Variants in MEF2C observed in about 807,000 individuals in gnomAD.
The protein encoded by MEF2C is myocyte-specific enhancer factor 2C.
In MEF2C, 6 loss-of-function variants were observed where a neutral mutation model predicts 50.5. The ratio of observed to expected loss-of-function variants is 0.12; its 90% CI spans 0.07 to 0.23. The LOEUF is 0.23. MEF2C is among the 10% of genes least tolerant of loss of function. The pLI, the probability that MEF2C is intolerant of heterozygous loss-of-function variation, is 1.00. For missense variants in MEF2C, 276 were observed against 605.0 expected (o/e 0.46, Z 5.70); for synonymous variants, 183 against 228.0 (o/e 0.80, Z 1.78).
intron 1 of MEF2C, among the ~76,000 whole-genome samples, chr5:88,894,938 C>A (rs1834960920): frequency 6.6e-6 from 1 of 152,232 alleles, no homozygotes; most frequent in East Asian, 1.9e-4. Flanking sequence ...TTGTTTTGAC[C>A]TTAATTTTCT....
intron 1 of MEF2C, among the ~76,000 whole-genome samples, chr5:88,866,804 T>C (rs1827537727): frequency 6.6e-6 from 1 of 152,216 alleles, no homozygotes; most frequent in Non-Finnish European, 1.5e-5. Context: ...GAAGTTGAAT[T>C]CTCTAGAATA....
intron 6 of MEF2C, chr5:88,744,152 C>T: frequency 1.0e-6 from 1 of 984,766 alleles, no homozygotes; most frequent in Non-Finnish European, 1.2e-6. Flanking sequence ...GTGAATAATC[C>T]AACACAAGGC....
chr5:88,783,596 C>T (rs1410930171), intron 3 of MEF2C, among the ~76,000 whole-genome samples: 1 of 152,090 alleles, frequency 6.6e-6, no homozygotes, highest in Admixed American at 6.6e-5. Context: ...CGCCATTGCA[C>T]TCCAGCCTGG....
At chr5:88,866,630 A>G (rs755412209) in intron 1 of MEF2C, among the ~76,000 whole-genome samples, 15 of 152,358 alleles carry the variant, frequency 9.8e-5, no homozygotes, top group East Asian at 1.9e-4. Flanking sequence ...GTTAAAAGCT[A>G]AAAGCTATGC....
chr5:88,767,195 G>T (rs1459113958), intron 3 of MEF2C, among the ~76,000 whole-genome samples: 1 of 152,186 alleles, frequency 6.6e-6, no homozygotes, highest in Non-Finnish European at 1.5e-5. Flanking sequence ...CCATGTGCCA[G>T]ATACTGTTTT....
chr5:88,765,474 C>A (rs1420011283), intron 3 of MEF2C, among the ~76,000 whole-genome samples: 3 of 152,196 alleles, frequency 2.0e-5, no homozygotes, highest in Admixed American at 2.0e-4. Context: ...AAATCTACAG[C>A]TGTTTAATGA....
chr5:88,740,601 G>A lies in MEF2C; in HGVS notation c.637+8469C>T, dbSNP rs375307750. 4.7e-5 allele frequency: 46 copies of A among 984,524 alleles called. No homozygotes were observed. The East Asian group carries it at 4.3e-3, about 93-fold the overall frequency. 61.0% of individuals were successfully genotyped at this position (984,524 alleles called of 1,614,324 possible). A position where few individuals can be genotyped will look rare whatever the true frequency, so the allele number is the denominator to read the frequency against. Reference sequence around the variant, plus strand: ...AGGTTGCTACCACTACATTACAAAAGCCAGATGTCTGAGATTTAGCATGCA... The same window carrying A: ...AGGTTGCTACCACTACATTACAAAAACCAGATGTCTGAGATTTAGCATGCA... On this transcript the variant is annotated intron_variant, in intron 6 of 10. Coordinates refer to ENST00000504921, the MANE Select transcript of MEF2C (RefSeq NM_002397.5).
intron 2 of MEF2C, among the ~76,000 whole-genome samples, chr5:88,808,442 T>C (rs186641386): frequency 3.5e-4 from 54 of 152,286 alleles, no homozygotes; most frequent in African/African-American, 1.1e-3. Context: ...ATATCATTAA[T>C]GTCACTATTT....
intron 3 of MEF2C, among the ~76,000 whole-genome samples, chr5:88,802,865 C>T (rs1798927269): frequency 6.6e-6 from 1 of 152,184 alleles, no homozygotes; most frequent in African/African-American, 2.4e-5. Context: ...TAGAAGTCAA[C>T]ATATTTTCCA....
intron 3 of MEF2C, among the ~76,000 whole-genome samples, chr5:88,801,021 T>G (rs951830291): frequency 3.9e-5 from 6 of 152,144 alleles, no homozygotes; most frequent in Non-Finnish European, 4.4e-5. Context: ...ACGCAGAGCT[T>G]TTTTGCTAAA....
In MEF2C at chr5:88,722,537, C is replaced by A; in HGVS notation, c.*67G>T. 7.2e-7 allele frequency: 1 copy of A among 1,386,290 alleles called. No individual in the cohort carries two copies. The highest frequency in any genetic ancestry group is 9.9e-7 in the Non-Finnish European group (1 of 1,013,046). 85.9% of individuals were successfully genotyped at this position (1,386,290 alleles called of 1,614,324 possible). On this transcript the variant is annotated 3_prime_UTR_variant, in exon 11 of 11. Coordinates refer to ENST00000504921, the MANE Select transcript of MEF2C (RefSeq NM_002397.5). ...CATATAATGCATATCGACCCCCCTTCCCCATTAAGGTATAGCACACACACA... is the reference window on the plus strand; with the variant it reads ...CATATAATGCATATCGACCCCCCTTACCCATTAAGGTATAGCACACACACA...
chr5:88,840,930 A>G (rs566656711), intron 1 of MEF2C, among the ~76,000 whole-genome samples: 1 of 152,350 alleles, frequency 6.6e-6, no homozygotes, highest in East Asian at 1.9e-4. Context: ...TTATTAACAA[A>G]GATGAAAATA....
At chr5:88,782,465 A>G (rs200564906) in intron 3 of MEF2C, among the ~76,000 whole-genome samples, 3 of 7,472 alleles carry the variant, frequency 4.0e-4, no homozygotes, top group African/African-American at 8.7e-4. Flanking sequence ...AAATCATCTC[A>G]AAAAAAAAAA....
chr5:88,862,341 T>C (rs1164800620), intron 1 of MEF2C, among the ~76,000 whole-genome samples: 1 of 152,196 alleles, frequency 6.6e-6, no homozygotes, highest in East Asian at 1.9e-4. Flanking sequence ...GATACATGTG[T>C]ATGTTTGTTT....
chr5:88,797,115 G>A (rs1156791256), intron 3 of MEF2C, among the ~76,000 whole-genome samples: 1 of 152,188 alleles, frequency 6.6e-6, no homozygotes, highest in East Asian at 1.9e-4. Flanking sequence ...ATCTGGGGTA[G>A]AGAGTTCTGT....
At chr5:88,746,482 A>G in intron 6 of MEF2C, 1 of 983,330 alleles carries the variant, frequency 1.0e-6, no homozygotes, top group Non-Finnish European at 1.2e-6. Flanking sequence ...CTTGATTTAG[A>G]AAAAAACTGC....
intron 1 of MEF2C, among the ~76,000 whole-genome samples, chr5:88,842,747 C>T (rs1057247190): frequency 2.0e-5 from 3 of 152,140 alleles, no homozygotes; most frequent in Non-Finnish European, 4.4e-5. Flanking sequence ...AGCTAGATGT[C>T]TGCCAGTATG....
At chr5:88,843,261 T>C in intron 1 of MEF2C, 1 of 840,936 alleles carries the variant, frequency 1.2e-6, no homozygotes. Context: ...CTATTTCTAT[T>C]TGGGTATCTT....
intron 1 of MEF2C, among the ~76,000 whole-genome samples, chr5:88,869,207 T>C (rs1276066134): frequency 2.0e-5 from 3 of 147,140 alleles, no homozygotes; most frequent in South Asian, 4.3e-4. Flanking sequence ...ATGTCTTAAA[T>C]GTATTTTGTA....
Sources: allele counts gnomAD v4.1 joint callset (sites outside exome capture counted in the v4.1 genomes callset), GRCh38; gene constraint gnomAD v4.1.1; transcripts MANE v1.5; gene names NCBI Gene and HGNC (gene_info 2026-07-23, HGNC 2026-07-21).